PSMC5: variants seen among roughly 807,000 people sequenced by gnomAD.
PSMC5 encodes proteasome 26S subunit, ATPase 5, also known as 26S proteasome regulatory subunit 8.
A neutral mutation model predicts 49.1 loss-of-function variants in PSMC5; 11 were observed. The ratio of observed to expected loss-of-function variants is 0.22; its 90% CI spans 0.14 to 0.37. PSMC5 has a LOEUF of 0.37. Among genes scored for constraint, PSMC5 ranks in the 10% least tolerant of loss-of-function variants. The pLI is 1.00. For missense variants in PSMC5, 229 were observed against 520.9 expected (o/e 0.44, Z 5.45); for synonymous variants, 206 against 192.2 (o/e 1.07, Z -0.59).
At chr17:63,828,757 T>TATGG (rs1598353445) in intron 2 of PSMC5, 3 of 156,072 alleles carry the variant, frequency 1.9e-5, no homozygotes, top group Admixed American at 1.9e-4. Flanking sequence ...AGCAGTAAGG[T>TATGG]ATGGCTTCCA....
At chr17:63,828,048 TG>T in intron 1 of PSMC5, 89 bp from the exon 2 acceptor site, 1 of 1,478,024 alleles carries the variant, frequency 6.8e-7, no homozygotes, top group Non-Finnish European at 9.4e-7. Context: ...CAAAGCTACC[TG>T]GTGTCAAGCC....
chr17:63,829,406 C>G (rs981824323), intron 2 of PSMC5, 88 bp from the exon 3 acceptor site: 2 of 1,206,098 alleles, frequency 1.7e-6, no homozygotes, highest in Non-Finnish European at 2.4e-6. Context: ...TCCCTCAGCT[C>G]ATTCAGACCT....
Position 63,827,507 on chromosome 17 carries a change from C to G in PSMC5, c.17C>G (p.Pro6Arg). The G allele has an allele frequency of 6.4e-7, 1 of 1,551,772 alleles. No homozygotes were observed. Among genetic ancestry groups the G allele is most frequent in the Non-Finnish European group, 8.7e-7 (1 of 1,147,008 alleles). Reference protein sequence around the residue: MALDGPEQMELEEGKA... With the variant: MALDGREQMELEEGKA... ...AGAGAGAAGATGGCGCTTGACGGAC[C>G]AGAGCAGGTATGGCGGGTGCAGTGG... The change falls in exon 1 of 12, where the codon CCA (proline) becomes CGA (arginine). Residue 6 changes from proline (P) to arginine (R), a missense_variant. Pro to Arg is a moderately radical substitution (Grantham distance 103, BLOSUM62 -2). Around this residue, in one of 4 missense-constraint regions of PSMC5, gnomAD observed 98 missense variants for 144.0 expected, o/e 0.68. Transcript: ENST00000310144.
chr17:63,830,537 T>A lies in PSMC5; in HGVS notation c.552+36T>A, dbSNP rs770247224. On this transcript the variant is annotated intron_variant, in intron 6 of 11. Transcript: ENST00000310144. The surrounding 1 kb of genome is among the most constrained non-coding windows in gnomAD (Gnocchi z 4.0). ...GGGCTTCTCTGAGAGGGCCAAGCTGTACTTACTCCTCCTGCCCCAGCCAGC... is the reference window on the plus strand; with the variant it reads ...GGGCTTCTCTGAGAGGGCCAAGCTGAACTTACTCCTCCTGCCCCAGCCAGC... 7.5e-6 allele frequency: 12 copies of A among 1,607,366 alleles called. No homozygotes were observed. Among genetic ancestry groups the A allele is most frequent in the Non-Finnish European group, 1.0e-5 (12 of 1,177,410 alleles).
In PSMC5 at chr17:63,831,714, TC is replaced by T. The variant is rs774059531; in HGVS notation, c.1081-8del. 5.0e-6 allele frequency: 8 copies of T among 1,614,180 alleles called. No individual in the cohort carries two copies. The South Asian group carries it at 6.6e-5, about 13-fold the overall frequency. On this transcript the variant is annotated splice_polypyrimidine_tract_variant and intron_variant, in intron 10 of 11. Transcript: ENST00000310144. The surrounding 1 kb of genome is among the most constrained non-coding windows in gnomAD (Gnocchi z 6.3). ...CAGCAGTGGGGCCTCAATTTCCTTT[TC>T]CTGTTCAGGGCGTGTGCACAGAAGC...
rs750869186 is a variant in PSMC5, at chr17:63,827,475, C to G, written c.-16C>G. On this transcript the variant is annotated 5_prime_UTR_variant, in exon 1 of 12. Transcript: ENST00000310144. ...AAGACGGCTCGGATGCCGGCGGTCT[C>G]TGCTGAAGAGAGAAGATGGCGCTTG... 6.4e-7 allele frequency: 1 copy of G among 1,551,734 alleles called. No homozygotes were observed. The highest frequency in any genetic ancestry group is 8.7e-7 in the Non-Finnish European group (1 of 1,147,010).
chr17:63,828,048 T>C (rs1025903033), intron 1 of PSMC5, 90 bp from the exon 2 acceptor site: 41 of 1,477,910 alleles, frequency 2.8e-5, no homozygotes, highest in Middle Eastern at 1.7e-4. Context: ...CAAAGCTACC[T>C]GGTGTCAAGC....
At position 63,829,941 on chromosome 17, in the gene PSMC5, T is replaced by C. The variant is rs1567757310; in HGVS notation, c.256T>C (p.Leu86=). 6.2e-7 allele frequency: 1 copy of C among 1,609,802 alleles called. No homozygotes were observed. The highest frequency in any genetic ancestry group is 2.2e-5 in the East Asian group (1 of 44,870). The change falls in exon 4 of 12, where the codon TTG becomes CTG. Residue 86 remains leucine, a synonymous_variant. Coordinates refer to ENST00000310144, the MANE Select transcript of PSMC5 (RefSeq NM_002805.6). The stretch of plus-strand genomic sequence containing the variant: ...CCGGGCCATGGATAAGAAGAAAGTG[T>C]TGGTCAAGGTAAAAGCAGCATGACC... ...VVRAMDKKKV[L]VKVHPEGKFV... is the part of the protein sequence containing the mutation.
intron 1 of PSMC5, 141 bp from the exon 2 acceptor site, chr17:63,827,997 C>A: frequency 7.7e-7 from 1 of 1,297,578 alleles, no homozygotes; most frequent in Non-Finnish European, 1.1e-6. Flanking sequence ...GGATTAGAAC[C>A]CAGATCCTGA....
chr17:63,827,925 T>G (rs2040130944), intron 1 of PSMC5: 1 of 1,357,342 alleles, frequency 7.4e-7, no homozygotes, highest in African/African-American at 1.5e-5. Context: ...TCGTATGAGG[T>G]AGGCGGCGTT....
Position 63,829,965 on chromosome 17 carries a change from C to T in PSMC5, c.264+16C>T, listed in dbSNP as rs376874113. 138 of 1,599,442 alleles carry T rather than the reference C, an allele frequency of 8.6e-5. No homozygotes were observed. Among genetic ancestry groups the T allele is most frequent in the Middle Eastern group, 3.3e-4 (2 of 6,008 alleles). On this transcript the variant is annotated intron_variant, in intron 4 of 11. Transcript: ENST00000310144. ...GTTGGTCAAGGTAAAAGCAGCATGA[C>T]CCCAGGGACCAGCTCGGTCTCCACT... is the stretch of plus-strand genomic sequence containing the variant.
At position 63,827,529 on chromosome 17, in the gene PSMC5, G is replaced by T; in HGVS notation, c.24+15G>T. ...GACCAGAGCAGGTATGGCGGGTGCA[G>T]TGGCGGCCCGGCAGGTTACGGGGCT... On this transcript the variant is annotated intron_variant, in intron 1 of 11. Coordinates refer to ENST00000310144, the MANE Select transcript of PSMC5 (RefSeq NM_002805.6). 6.4e-7 allele frequency: 1 copy of T among 1,551,464 alleles called. No individual in the cohort carries two copies. The highest frequency in any genetic ancestry group is 8.7e-7 in the Non-Finnish European group (1 of 1,146,914).
At position 63,830,602 on chromosome 17, in the gene PSMC5, TCTTG is replaced by T; in HGVS notation, c.552+106_552+109del. The T allele has an allele frequency of 1.3e-6, 2 of 1,521,378 alleles. No individual in the cohort carries two copies. Among genetic ancestry groups the T allele is most frequent in the Non-Finnish European group, 1.8e-6 (2 of 1,135,630 alleles). The allele number at this position is 1,521,378 out of a possible 1,614,324, so 94.2% of individuals were successfully genotyped here. On this transcript the variant is annotated intron_variant, in intron 6 of 11. Transcript: ENST00000310144. The surrounding 1 kb of genome is among the most constrained non-coding windows in gnomAD (Gnocchi z 4.0). ...TGGGGAGGCACCGGGATAGGCTGCA[TCTTG>T]CTTGGGCTGGCCCTCCCCCTGAAAA... is the stretch of plus-strand genomic sequence containing the variant.
At chr17:63,828,039 A>G in intron 1 of PSMC5, 99 bp from the exon 2 acceptor site, 1 of 1,447,710 alleles carries the variant, frequency 6.9e-7, no homozygotes, top group Non-Finnish European at 9.6e-7. Context: ...TCTACTACGC[A>G]AAGCTACCTG....
rs1458478619 is a variant in PSMC5, at chr17:63,830,791, C to T, written c.553-18C>T. 11 of 1,613,290 alleles carry T rather than the reference C, an allele frequency of 6.8e-6. No individual in the cohort carries two copies. The highest frequency in any genetic ancestry group is 1.3e-5 in the African/African-American group (1 of 74,694). ...AGGGGTGTAGCTTTCTGCCCTGAGT[C>T]CTGCTGTTCCCCTGTAGGGAGTGCT... On this transcript the variant is annotated intron_variant, in intron 6 of 11. Coordinates refer to ENST00000310144, the MANE Select transcript of PSMC5 (RefSeq NM_002805.6). The surrounding 1 kb of genome is among the most constrained non-coding windows in gnomAD (Gnocchi z 4.0).
rs1424400914 is a variant in PSMC5, at chr17:63,827,983, G to A, written c.25-155G>A. ...GGGAAAATGGAGGGTTCCAAGGGAGGGAGGGATTAGAACCCAGATCCTGAG... is the reference window on the plus strand; with the variant it reads ...GGGAAAATGGAGGGTTCCAAGGGAGAGAGGGATTAGAACCCAGATCCTGAG... On this transcript the variant is annotated intron_variant, in intron 1 of 11. Transcript: ENST00000310144. 5.5e-6 allele frequency: 7 copies of A among 1,273,582 alleles called. No homozygotes were observed. The African/African-American group carries it at 1.0e-4, about 19-fold the overall frequency. 78.9% of individuals were successfully genotyped at this position (1,273,582 alleles called of 1,614,324 possible). A position where few individuals can be genotyped will look rare whatever the true frequency, so the allele number is the denominator to read the frequency against.
At position 63,831,856 on chromosome 17, in the gene PSMC5, C is replaced by T; in HGVS notation, c.1167+46C>T. 1.2e-6 allele frequency: 2 copies of T among 1,612,598 alleles called. No homozygotes were observed. The highest frequency in any genetic ancestry group is 2.2e-5 in the South Asian group (2 of 91,044). On this transcript the variant is annotated intron_variant, in intron 11 of 11. Coordinates refer to ENST00000310144, the MANE Select transcript of PSMC5 (RefSeq NM_002805.6). This position sits in a 1 kb window ranked among gnomAD's most constrained non-coding sequence, Gnocchi z 6.3. ...GCCTTTGCCAGTGGTGGCTCTGGGG[C>T]AGTGGGCTAGGGCATGTGTGTGTTC...
Position 63,831,841 on chromosome 17 carries a change from G to T in PSMC5, c.1167+31G>T. The T allele has an allele frequency of 6.2e-7, 1 of 1,613,600 alleles. No individual in the cohort carries two copies. The highest frequency in any genetic ancestry group is 8.5e-7 in the Non-Finnish European group (1 of 1,179,490). ...GGCCTCCATCTTTGTGCCTTTGCCA[G>T]TGGTGGCTCTGGGGCAGTGGGCTAG... is the stretch of plus-strand genomic sequence containing the variant. On this transcript the variant is annotated intron_variant, in intron 11 of 11. Transcript: ENST00000310144. The surrounding 1 kb of genome is among the most constrained non-coding windows in gnomAD (Gnocchi z 6.3).
rs367762634 is a variant in PSMC5 at position 63,831,444 on chromosome 17, G to C, written c.969+19G>C. 2.0e-5 allele frequency: 33 copies of C among 1,613,176 alleles called. No homozygotes were observed. The highest frequency in any genetic ancestry group is 2.6e-5 in the Non-Finnish European group (31 of 1,179,356). On this transcript the variant is annotated intron_variant, in intron 9 of 11. Coordinates refer to ENST00000310144, the MANE Select transcript of PSMC5 (RefSeq NM_002805.6). The surrounding 1 kb of genome is among the most constrained non-coding windows in gnomAD (Gnocchi z 6.3). ...TGAGGAGGTTTGTGATGGACACTGT[G>C]CAAAGTGGCTCTGGCTGTGGGGGTG...
Sources: gnomAD v4.1 joint callset for allele counts on GRCh38, gnomAD v4.1.1 for gene constraint, gnomAD v4.1.1 regional missense constraint, Gnocchi (gnomAD v3.1) non-coding constraint, MANE v1.5 for transcripts, NCBI Gene and HGNC (gene_info 2026-07-23, HGNC 2026-07-21) for gene names.